RGS6: variants seen among roughly 807,000 people sequenced by gnomAD.
The protein encoded by RGS6 is regulator of G protein signaling 6, also known as regulator of G-protein signaling 6.
RGS6 carries 30 observed loss-of-function variants against 78.5 expected under a neutral mutation model. That is an observed-to-expected ratio of 0.38 (90% CI 0.29 to 0.52). The LOEUF is 0.52. Ranked by LOEUF, RGS6 falls within the 20% of genes least tolerant of loss-of-function variation. The pLI is 0.85. For synonymous variants in RGS6, 206 were observed against 206.0 expected (o/e 1.00, Z 0.00); for missense variants, 495 against 609.7 (o/e 0.81, Z 1.98).
At chr14:72,203,253 T>G (rs939719387) in intron 2 of RGS6, among the ~76,000 whole-genome samples, 1 of 152,230 alleles carries the variant, frequency 6.6e-6, no homozygotes, top group Non-Finnish European at 1.5e-5. Flanking sequence ...CTATCATGTA[T>G]ATAGGCACAA....
chr14:72,164,007 A>G (rs968565817), intron 2 of RGS6, among the ~76,000 whole-genome samples: 2 of 152,086 alleles, frequency 1.3e-5, no homozygotes, highest in Admixed American at 1.3e-4. Flanking sequence ...AGGTATGCAA[A>G]GGGAATGGTG....
intron 2 of RGS6, among the ~76,000 whole-genome samples, chr14:72,196,136 G>A (rs2153728309): frequency 6.6e-6 from 1 of 152,272 alleles, no homozygotes; most frequent in South Asian, 2.1e-4. Flanking sequence ...AAGCAGAGAT[G>A]CGAGAGACAC....
chr14:72,541,245 G>A lies in RGS6; in HGVS notation c.1422+1151G>A, dbSNP rs139774804. The A allele has an allele frequency of 3.2e-3, 4,592 of 1,441,150 alleles. 17 individuals carry two copies. Among genetic ancestry groups the A allele is most frequent in the Middle Eastern group, 7.9e-3 (44 of 5,540 alleles). The allele number at this position is 1,441,150 out of a possible 1,614,324, so 89.3% of individuals were successfully genotyped here. A position where few individuals can be genotyped will look rare whatever the true frequency, so the allele number is the denominator to read the frequency against. On this transcript the variant is annotated intron_variant, in intron 17 of 17. Transcript: ENST00000553525. ...CCTGACTACTGTGTGACTGGTATAC[G>A]TATTTCATCCTTTTAAGAAAAAGTC... is the stretch of plus-strand genomic sequence containing the variant.
chr14:72,322,751 A>G (rs533226238), intron 2 of RGS6, among the ~76,000 whole-genome samples: 1 of 152,292 alleles, frequency 6.6e-6, no homozygotes, highest in South Asian at 2.1e-4. Flanking sequence ...TCACAACTGT[A>G]TTAATTTAAT....
At chr14:72,517,821 T>C (rs1442771941) in intron 14 of RGS6, among the ~76,000 whole-genome samples, 2 of 152,208 alleles carry the variant, frequency 1.3e-5, no homozygotes, top group African/African-American at 2.4e-5. Flanking sequence ...TGATCCCAAC[T>C]AGATTTGACA....
At chr14:72,299,221 A>G (rs2065539623) in intron 2 of RGS6, among the ~76,000 whole-genome samples, 2 of 152,236 alleles carry the variant, frequency 1.3e-5, no homozygotes, top group South Asian at 4.1e-4. Context: ...AGCTAATTTT[A>G]GAACATTTTT....
chr14:72,340,698 C>G (rs2076831948), intron 2 of RGS6, among the ~76,000 whole-genome samples: 1 of 152,156 alleles, frequency 6.6e-6, no homozygotes, highest in African/African-American at 2.4e-5. Flanking sequence ...TCATTCTCAC[C>G]CTTCTTGTTC....
intron 1 of RGS6, among the ~76,000 whole-genome samples, chr14:71,938,445 TG>T (rs1299734160): frequency 6.6e-6 from 1 of 152,206 alleles, no homozygotes; most frequent in Non-Finnish European, 1.5e-5. Context: ...AGAAAAGGCC[TG>T]TAGTGCTGCA....
At chr14:72,219,993 C>T (rs2046475834) in intron 2 of RGS6, among the ~76,000 whole-genome samples, 1 of 152,062 alleles carries the variant, frequency 6.6e-6, no homozygotes. Context: ...ACCCCATTGT[C>T]TCTGCCCAAA....
At chr14:72,311,303 G>A (rs2068553180) in intron 2 of RGS6, among the ~76,000 whole-genome samples, 1 of 152,156 alleles carries the variant, frequency 6.6e-6, no homozygotes. Flanking sequence ...ATGTGACTAT[G>A]TGATTTTTAT....
intron 12 of RGS6, among the ~76,000 whole-genome samples, chr14:72,490,482 T>C (rs2153401216): frequency 6.6e-6 from 1 of 152,342 alleles, no homozygotes; most frequent in South Asian, 2.1e-4. Flanking sequence ...GCAGGAGATT[T>C]ATAGGACAGA....
chr14:72,566,653 A>T (rs2097712591), downstream of RGS6: 5 of 140,682 alleles, frequency 3.6e-5, 1 homozygote, highest in African/African-American at 1.3e-4. Flanking sequence ...ACACACACAC[A>T]CACACACACA....
At chr14:72,476,208 A>G (rs1305634429) in intron 10 of RGS6, among the ~76,000 whole-genome samples, 1 of 152,254 alleles carries the variant, frequency 6.6e-6, no homozygotes, top group Non-Finnish European at 1.5e-5. Context: ...TTTAACTTGA[A>G]AGGGAAACCC....
chr14:72,218,025 A>G (rs2153785815), intron 2 of RGS6, among the ~76,000 whole-genome samples: 1 of 152,316 alleles, frequency 6.6e-6, no homozygotes, highest in Admixed American at 6.5e-5. Context: ...AAAAGTTGAA[A>G]AAAACTTTGA....
At chr14:72,277,862 A>G (rs181592366) in intron 2 of RGS6, among the ~76,000 whole-genome samples, 2,353 of 152,296 alleles carry the variant, frequency 0.015, 19 homozygotes, top group South Asian at 0.026. Context: ...CAGAAAGTGG[A>G]AGTTGCAGTG....
Position 72,540,075 on chromosome 14 carries a change from A to C in RGS6, c.1403A>C (p.Glu468Ala). Reference protein sequence around the residue: ...ESEQGRRTSLEKFTRSVGKSL... With the variant: ...ESEQGRRTSLAKFTRSVGKSL... ...GAGCAAGGTCGTAGAACTTCCCTAG[A>C]AAAGTTCACTCGCAGTGTGGTAAGT... is the stretch of plus-strand genomic sequence containing the variant. The change falls in exon 17 of 18, where the codon GAA becomes GCA. Residue 468 changes from glutamate to alanine, a missense_variant. Transcript: ENST00000553525. The C allele has an allele frequency of 6.3e-7, 1 of 1,588,984 alleles. No homozygotes were observed. Among genetic ancestry groups the C allele is most frequent in the Non-Finnish European group, 8.5e-7 (1 of 1,177,282 alleles).
chr14:72,069,623 C>T (rs577323301), intron 2 of RGS6, among the ~76,000 whole-genome samples: 8 of 152,002 alleles, frequency 5.3e-5, no homozygotes, highest in Non-Finnish European at 8.8e-5. Context: ...ATTGCAGCCT[C>T]GACCTCCCTG....
At chr14:71,936,040 A>ATATATATATATATATATATG (rs2089245331) in intron 1 of RGS6, among the ~76,000 whole-genome samples, 1 of 139,556 alleles carries the variant, frequency 7.2e-6, no homozygotes, top group Non-Finnish European at 1.6e-5. Context: ...ATATATATAT[A>ATATATATATATATATATATG]TGTACATATA....
intron 12 of RGS6, among the ~76,000 whole-genome samples, chr14:72,481,714 C>T (rs1280154703): frequency 6.6e-6 from 1 of 152,056 alleles, no homozygotes; most frequent in Non-Finnish European, 1.5e-5. Context: ...AGCTGTTACC[C>T]AATTTTTGTT....
Sources: allele counts gnomAD v4.1 joint callset (sites outside exome capture counted in the v4.1 genomes callset), GRCh38; gene constraint gnomAD v4.1.1; transcripts MANE v1.5; gene names NCBI Gene and HGNC (gene_info 2026-07-23, HGNC 2026-07-21).